ADGRG2: variants seen among roughly 807,000 people sequenced by gnomAD.
ADGRG2 encodes the protein G protein-coupled receptor 64.
In ADGRG2, 26 loss-of-function variants were observed where a neutral mutation model predicts 74.1. The observed-to-expected ratio is 0.35, with a 90% CI of 0.26 to 0.49. The LOEUF (loss-of-function observed/expected upper bound fraction) is 0.49, where lower values mean the gene tolerates loss of function less well. Ranked by LOEUF, ADGRG2 falls within the 20% of genes least tolerant of loss-of-function variation. The probability of loss-of-function intolerance (pLI) is 0.99; values close to 1 mark genes in which losing one functional copy is unlikely to be tolerated. For missense variants in ADGRG2, 619 were observed against 763.1 expected (o/e 0.81, Z 2.22); for synonymous variants, 296 against 295.2 (o/e 1.00, Z -0.03).
chrX:19,084,107 G>A (rs1008535198), intron 1 of ADGRG2, among the ~76,000 whole-genome samples: 2 of 112,053 alleles, frequency 1.8e-5, no homozygotes, highest in African/African-American at 6.5e-5. Context: ...ATACACCATG[G>A]AAGACTATGC....
intron 28 of ADGRG2, among the ~76,000 whole-genome samples, chrX:18,992,256 A>G (rs550796951): frequency 6.1e-4 from 69 of 112,507 alleles, no homozygotes; most frequent in African/African-American, 2.1e-3. Flanking sequence ...TGCAAGAACA[A>G]TTTGGTCTGG....
Position 19,007,284 on chromosome X carries a change from T to G in ADGRG2, c.1640A>C (p.Asn547Thr), listed in dbSNP as rs1601868766. ...SSSVANLTVR[N>T]LTRNVTVTLK... ...TGTGACTGTCACGTTTCTTGTCAAG[T>G]TCCTGACGGTCAGGTTTGCAACACT... Residue 547 changes from asparagine (N) to threonine (T), a missense_variant, in exon 20 of 29, where the codon AAC becomes ACC. Asn to Thr is a moderately conservative substitution (Grantham distance 65). Around this residue, in one of 3 missense-constraint regions of ADGRG2, gnomAD observed 221 missense variants for 340.6 expected, o/e 0.65. Transcript: ENST00000379869. The G allele has an allele frequency of 8.3e-7, 1 of 1,207,357 alleles. No individual in the cohort carries two copies. The highest frequency in any genetic ancestry group is 3.0e-5 in the East Asian group (1 of 33,744).
intron 14 of ADGRG2, among the ~76,000 whole-genome samples, 166 bp from the exon 15 acceptor site, chrX:19,019,831 A>T (rs1047269267): frequency 1.8e-5 from 2 of 112,202 alleles, no homozygotes; most frequent in African/African-American, 6.5e-5. Flanking sequence ...TGACAATTAT[A>T]TACTGTATAC....
At chrX:19,093,297 T>C (rs146506572) in intron 1 of ADGRG2, among the ~76,000 whole-genome samples, 3,048 of 111,687 alleles carry the variant, frequency 0.027, 103 homozygotes, top group African/African-American at 0.093. Flanking sequence ...TTACTCCTCC[T>C]CTCAGCAGTC....
intron 3 of ADGRG2, among the ~76,000 whole-genome samples, chrX:19,045,625 ATCT>A (rs948967419): frequency 1.8e-5 from 2 of 109,396 alleles, no homozygotes; most frequent in African/African-American, 6.7e-5. Context: ...TTTATTATTA[ATCT>A]TCTTTAATCT....
At chrX:19,104,884 T>A (rs2147049103) in intron 1 of ADGRG2, among the ~76,000 whole-genome samples, 1 of 87,857 alleles carries the variant, frequency 1.1e-5, no homozygotes, top group African/African-American at 4.5e-5. Context: ...ACCACTGCAC[T>A]CTCGTCTAGG....
chrX:19,016,162 G>A (rs770628592), intron 15 of ADGRG2, among the ~76,000 whole-genome samples: 2 of 112,564 alleles, frequency 1.8e-5, no homozygotes, highest in African/African-American at 6.5e-5. Flanking sequence ...GCATTTTAAT[G>A]TGCTTCTTTA....
chrX:19,065,408 C>T (rs948211479), intron 3 of ADGRG2, among the ~76,000 whole-genome samples: 1 of 110,901 alleles, frequency 9.0e-6, no homozygotes, highest in African/African-American at 3.3e-5. Flanking sequence ...GTCTGTCACA[C>T]TTTGGGAACC....
At chrX:19,081,433 T>A (rs891861088) in intron 2 of ADGRG2, among the ~76,000 whole-genome samples, 1 of 111,223 alleles carries the variant, frequency 9.0e-6, no homozygotes, top group African/African-American at 3.3e-5. Context: ...TAGGAAACCA[T>A]GCTGGAGAGG....
At chrX:18,992,017 C>T (rs1456987722) in intron 28 of ADGRG2, among the ~76,000 whole-genome samples, 2 of 111,653 alleles carry the variant, frequency 1.8e-5, no homozygotes, top group African/African-American at 3.3e-5. Flanking sequence ...ATGGAGTTGA[C>T]GTGTGATGTT....
rs776930536 is a variant in ADGRG2, at chrX:19,017,416, T to G, written c.710+2183A>C. Among the ~76,000 whole-genome samples the G allele has an allele frequency of 3.6e-5, 4 of 111,984 alleles. No homozygotes were observed. In the South Asian group the frequency reaches 1.5e-3, roughly 42 times the overall value. On this transcript the variant is annotated intron_variant, in intron 15 of 28. Transcript: ENST00000379869. ...ACTGAGCCCTAACTGGACATCAGTTTCACATCCTGACCCCTTTTCTATTCC... is the reference window on the plus strand; with the variant it reads ...ACTGAGCCCTAACTGGACATCAGTTGCACATCCTGACCCCTTTTCTATTCC...
intron 1 of ADGRG2, among the ~76,000 whole-genome samples, chrX:19,088,321 A>G (rs1487976348): frequency 8.9e-6 from 1 of 111,974 alleles, no homozygotes; most frequent in African/African-American, 3.2e-5. Context: ...TCACAGGATA[A>G]TTGAATTTGG....
Position 19,014,056 on chromosome X carries a change from A to G in ADGRG2, c.729T>C (p.Ile243=). 2 of 1,204,157 alleles carry G rather than the reference A, an allele frequency of 1.7e-6. No individual in the cohort carries two copies. Among genetic ancestry groups the G allele is most frequent in the Non-Finnish European group, 2.2e-6 (2 of 890,799 alleles). ...EKLQCDLQDP[I]VCLADHPRGP... ...CACGTGGATGGTCAGCAAGACAGAC[A>G]ATGGGATCCTGCAGGTCACTAAAGG... Residue 243 remains isoleucine (I), a synonymous_variant, in exon 16 of 29, where the codon ATT becomes ATC. Transcript: ENST00000379869.
intron 4 of ADGRG2, chrX:19,039,157 C>G: frequency 3.1e-6 from 1 of 326,826 alleles, no homozygotes; most frequent in Middle Eastern, 4.5e-4. Context: ...GGAACTAGCC[C>G]AAAACCACAC....
chrX:19,106,434 G>A (rs1461646513), intron 1 of ADGRG2, among the ~76,000 whole-genome samples: 1 of 110,521 alleles, frequency 9.0e-6, no homozygotes, highest in Non-Finnish European at 1.9e-5. Context: ...AAAAAGAGTG[G>A]CTTAATGCCT....
intron 2 of ADGRG2, among the ~76,000 whole-genome samples, chrX:19,069,378 C>T (rs191855410): frequency 6.5e-4 from 72 of 109,962 alleles, no homozygotes; most frequent in African/African-American, 2.3e-3. Flanking sequence ...TTTTTTGAGA[C>T]GGAGTTTCGC....
intron 3 of ADGRG2, among the ~76,000 whole-genome samples, chrX:19,043,415 T>A (rs1038752331): frequency 2.7e-5 from 3 of 111,689 alleles, no homozygotes; most frequent in African/African-American, 9.8e-5. Context: ...TCCATGCCAC[T>A]CTTAGGAGAC....
intron 15 of ADGRG2, among the ~76,000 whole-genome samples, chrX:19,015,252 G>A (rs2060444239): frequency 8.9e-6 from 1 of 112,208 alleles, no homozygotes; most frequent in African/African-American, 3.2e-5. Flanking sequence ...TCTCTAGGGT[G>A]AGAAGAGGGA....
intron 3 of ADGRG2, among the ~76,000 whole-genome samples, chrX:19,062,581 A>G (rs747444932): frequency 2.7e-5 from 3 of 111,746 alleles, no homozygotes; most frequent in African/African-American, 9.7e-5. Context: ...TTGAGAGAGA[A>G]TGAGGAGACC....
Sources: allele counts gnomAD v4.1 joint callset (sites outside exome capture counted in the v4.1 genomes callset), GRCh38; gene constraint gnomAD v4.1.1; regional missense constraint gnomAD v4.1.1; transcripts MANE v1.5; gene names NCBI Gene and HGNC (gene_info 2026-07-23, HGNC 2026-07-21).